ART1: variants seen among roughly 807,000 people sequenced by gnomAD.
The protein encoded by ART1 is GPI-linked NAD(P)(+)--arginine ADP-ribosyltransferase 1.
In ART1, 29 loss-of-function variants were observed where a neutral mutation model predicts 27.0. That is an observed-to-expected ratio of 1.08 (90% CI 0.80 to 1.47). ART1 has a LOEUF of 1.47. Among genes scored for constraint, ART1 ranks in the 40% most tolerant of loss-of-function variants. The pLI is 0.00. For missense variants in ART1, 480 were observed against 423.0 expected (o/e 1.13, Z -1.18); for synonymous variants, 201 against 172.2 (o/e 1.17, Z -1.31).
At chr11:3,652,019 C>T (rs901680026) in intron 1 of ART1, among the ~76,000 whole-genome samples, 4,495 of 151,484 alleles carry the variant, frequency 0.03, 236 homozygotes, top group African/African-American at 0.1. Context: ...ATTTCCTTTC[C>T]ATCGTGGAAA....
chr11:3,652,641 C>A (rs1488084604), intron 1 of ART1, among the ~76,000 whole-genome samples: 1 of 152,058 alleles, frequency 6.6e-6, no homozygotes, highest in Non-Finnish European at 1.5e-5. Context: ...ACCAGACCAA[C>A]TTAGACTGTG....
At chr11:3,662,039 C>T (rs1417761094) in intron 4 of ART1, among the ~76,000 whole-genome samples, 2 of 152,192 alleles carry the variant, frequency 1.3e-5, no homozygotes, top group Admixed American at 1.3e-4. Flanking sequence ...AGGGCTGCTC[C>T]CCACAAAGTC....
At chr11:3,658,168 A>G (rs1335627894) in intron 1 of ART1, among the ~76,000 whole-genome samples, 1 of 151,840 alleles carries the variant, frequency 6.6e-6, no homozygotes, top group Non-Finnish European at 1.5e-5. Context: ...CCCCGTCTTT[A>G]CTAAAAATAC....
intron 1 of ART1, among the ~76,000 whole-genome samples, chr11:3,655,233 T>G (rs2077562957): frequency 6.6e-6 from 1 of 152,038 alleles, no homozygotes; most frequent in African/African-American, 2.4e-5. Context: ...TCAGTTTCCT[T>G]CCCCCAAAAG....
At position 3,659,984 on chromosome 11, in the gene ART1, T is replaced by C. The variant is rs151146245; in HGVS notation, c.465T>C (p.His155=). Reference sequence around the variant, plus strand: ...ACCACTTCTCCTTCAAGACACTCCATTTCCTGCTGACTGAGGCCCTGCAGC... The same window carrying C: ...ACCACTTCTCCTTCAAGACACTCCACTTCCTGCTGACTGAGGCCCTGCAGC... The part of the protein sequence containing the change: ...YLHHFSFKTL[H]FLLTEALQLL... The change falls in exon 3 of 5, where the codon CAT becomes CAC. Residue 155 remains histidine (H), a synonymous_variant. Coordinates refer to ENST00000250693, the MANE Select transcript of ART1 (RefSeq NM_004314.3). 10 of 1,614,074 alleles carry C rather than the reference T, an allele frequency of 6.2e-6. No homozygotes were observed. The highest frequency in any genetic ancestry group is 8.5e-6 in the Non-Finnish European group (10 of 1,179,976).
Position 3,659,985 on chromosome 11 carries a change from T to G in ART1, c.466T>G (p.Phe156Val). 6.2e-7 allele frequency: 1 copy of G among 1,614,040 alleles called. No individual in the cohort carries two copies. Among genetic ancestry groups the G allele is most frequent in the Non-Finnish European group, 8.5e-7 (1 of 1,179,964 alleles). ...CCACTTCTCCTTCAAGACACTCCAT[T>G]TCCTGCTGACTGAGGCCCTGCAGCT... ...LHHFSFKTLH[F>V]LLTEALQLLG... Residue 156 changes from phenylalanine to valine, a missense_variant, in exon 3 of 5, where the codon TTC becomes GTC. Phe to Val is a conservative substitution (Grantham distance 50). Coordinates refer to ENST00000250693, the MANE Select transcript of ART1 (RefSeq NM_004314.3).
rs1657320584 is a variant in ART1 at position 3,664,173 on chromosome 11, G to C, written c.968G>C (p.Gly323Ala). The change falls in exon 5 of 5, where the codon GGT becomes GCT. Residue 323 changes from glycine (G) to alanine (A), a missense_variant. By Grantham distance (60) the Gly-to-Ala change is moderately conservative. Coordinates refer to ENST00000250693, the MANE Select transcript of ART1 (RefSeq NM_004314.3). ...WFLVVRAFPD[G>A]PGLL ...CTCGTGGTGAGGGCCTTTCCAGATG[G>C]TCCAGGCCTCCTTTGATGCATGAGA... The C allele has an allele frequency of 6.2e-7, 1 of 1,613,868 alleles. No homozygotes were observed. Among genetic ancestry groups the C allele is most frequent in the African/African-American group, 1.3e-5 (1 of 74,992 alleles).
At chr11:3,653,364 G>C (rs1338425556) in intron 1 of ART1, among the ~76,000 whole-genome samples, 1 of 148,300 alleles carries the variant, frequency 6.7e-6, no homozygotes. Flanking sequence ...TGCCTTAACT[G>C]ATGACATTGT....
intron 1 of ART1, among the ~76,000 whole-genome samples, chr11:3,656,198 T>A (rs2077573277): frequency 1.3e-5 from 2 of 151,476 alleles, no homozygotes; most frequent in African/African-American, 4.9e-5. Flanking sequence ...CCTCCCAGAG[T>A]GCTGGGATTA....
At position 3,661,431 on chromosome 11, in the gene ART1, C is replaced by T; in HGVS notation, c.886+18C>T. On this transcript the variant is annotated intron_variant, in intron 4 of 4. Transcript: ENST00000250693. ...TAATTCAGGTAAGGGCTGCAGGCACCTGTGGGACTCAGTTCAGGGATGAGC... is the reference window on the plus strand; with the variant it reads ...TAATTCAGGTAAGGGCTGCAGGCACTTGTGGGACTCAGTTCAGGGATGAGC... 6.2e-7 allele frequency: 1 copy of T among 1,605,228 alleles called. No homozygotes were observed.
intron 1 of ART1, among the ~76,000 whole-genome samples, chr11:3,655,044 A>T (rs779503122): frequency 1.3e-5 from 2 of 152,286 alleles, no homozygotes; most frequent in Admixed American, 6.5e-5. Context: ...TCCCAGGCTC[A>T]TGGTCTTTGG....
In ART1 at chr11:3,660,181, T is replaced by C. The variant is rs1387565876; in HGVS notation, c.662T>C (p.Ile221Thr). Residue 221 changes from isoleucine to threonine, a missense_variant, in exon 3 of 5, where the codon ATC becomes ACC. Coordinates refer to ENST00000250693, the MANE Select transcript of ART1 (RefSeq NM_004314.3). The part of the protein sequence containing the change: ...QQFGEDTFFG[I>T]WTCLGAPIKG... ...TTTGGTGAGGACACCTTCTTCGGCA[T>C]CTGGACCTGCCTTGGGGCCCCTATC... 1 of 1,614,062 alleles carries C rather than the reference T, an allele frequency of 6.2e-7. No individual in the cohort carries two copies.
At chr11:3,655,140 G>T (rs748608271) in intron 1 of ART1, among the ~76,000 whole-genome samples, 15 of 152,206 alleles carry the variant, frequency 9.9e-5, no homozygotes, top group Non-Finnish European at 1.6e-4. Context: ...GGTCTTCCTT[G>T]CTCTGGGCTG....
intron 1 of ART1, among the ~76,000 whole-genome samples, chr11:3,647,683 A>G (rs573797547): frequency 1.3e-5 from 2 of 152,236 alleles, no homozygotes; most frequent in South Asian, 4.1e-4. Flanking sequence ...ATGAAAACAA[A>G]GGGATACACA....
intron 1 of ART1, among the ~76,000 whole-genome samples, chr11:3,655,211 A>G (rs764075889): frequency 6.6e-6 from 1 of 152,162 alleles, no homozygotes; most frequent in Non-Finnish European, 1.5e-5. Context: ...GAATCTTCCA[A>G]AGAAAAGACT....
intron 3 of ART1, 56 bp from the exon 4 acceptor site, chr11:3,661,316 C>T (rs2077618283): frequency 7.8e-6 from 12 of 1,535,492 alleles, no homozygotes; most frequent in Non-Finnish European, 9.8e-6. Flanking sequence ...CTCTGAGGTC[C>T]CTTTCCATCC....
At chr11:3,647,355 G>T (rs1050254817) in intron 1 of ART1, among the ~76,000 whole-genome samples, 54 of 147,608 alleles carry the variant, frequency 3.7e-4, no homozygotes, top group Non-Finnish European at 1.4e-4. Context: ...AAAAAACGAG[G>T]CTGGGTGCGG....
At chr11:3,647,488 G>A (rs749254686) in intron 1 of ART1, among the ~76,000 whole-genome samples, 23 of 151,590 alleles carry the variant, frequency 1.5e-4, no homozygotes, top group Non-Finnish European at 2.8e-4. Context: ...ACAAAAATTA[G>A]CTGGGCGTGC....
At chr11:3,657,267 C>T (rs929903815) in intron 1 of ART1, among the ~76,000 whole-genome samples, 1 of 152,116 alleles carries the variant, frequency 6.6e-6, no homozygotes, top group African/African-American at 2.4e-5. Context: ...GACTATATTA[C>T]CATTTGTGTA....
Sources: allele counts gnomAD v4.1 joint callset (sites outside exome capture counted in the v4.1 genomes callset), GRCh38; gene constraint gnomAD v4.1.1; transcripts MANE v1.5; gene names NCBI Gene and HGNC (gene_info 2026-07-23, HGNC 2026-07-21).